Variants in IARS1 observed in about 807,000 individuals in gnomAD.
IARS1 encodes the protein isoleucyl-tRNA synthetase 1.
IARS1 carries 124 observed loss-of-function variants against 168.2 expected under a neutral mutation model. The ratio of observed to expected loss-of-function variants is 0.74; its 90% CI spans 0.64 to 0.86. The LOEUF is 0.86. Among genes scored for constraint, IARS1 ranks in the 40% least tolerant of loss-of-function variants. IARS1 has a pLI of 0.00. For synonymous variants in IARS1, 532 were observed against 529.4 expected, an observed-to-expected ratio of 1.00 and a Z score of -0.07; for missense variants, 1,452 against 1,515.8, an observed-to-expected ratio of 0.96 and a Z score of 0.70.
Position 92,289,284 on chromosome 9 carries a change from C to T in IARS1, c.119+17G>A. The T allele has an allele frequency of 9.8e-7, 1 of 1,023,210 alleles. No homozygotes were observed. The highest frequency in any genetic ancestry group is 2.4e-5 in the East Asian group (1 of 41,492). 63.4% of individuals were successfully genotyped at this position (1,023,210 alleles called of 1,614,324 possible). A position where few individuals can be genotyped will look rare whatever the true frequency, so the allele number is the denominator to read the frequency against. ...ATGACTATTCTTAAGGGAACTTAAC[C>T]TAAAAAATTCACATACTTTGGTTTA... On this transcript the variant is annotated intron_variant, in intron 2 of 33. Coordinates refer to ENST00000443024, the MANE Select transcript of IARS1 (RefSeq NM_002161.6).
chr9:92,220,434 A>G (rs980159946), intron 33 of IARS1, among the ~76,000 whole-genome samples: 2 of 151,846 alleles, frequency 1.3e-5, no homozygotes, highest in Non-Finnish European at 2.9e-5. Context: ...AAAAATAATA[A>G]TCATAAAAAA....
intron 16 of IARS1, among the ~76,000 whole-genome samples, chr9:92,263,785 A>T (rs1256224673): frequency 6.6e-6 from 1 of 152,214 alleles, no homozygotes; most frequent in Non-Finnish European, 1.5e-5. Flanking sequence ...CGGGATCCAC[A>T]TGAGGACTGT....
At chr9:92,216,830 T>G (rs1248677616) in intron 33 of IARS1, among the ~76,000 whole-genome samples, 20 of 137,366 alleles carry the variant, frequency 1.5e-4, no homozygotes, top group African/African-American at 5.3e-4. Context: ...AATGGGAGAC[T>G]TTAACACCCC....
chr9:92,292,720 T>C (rs560584601), intron 1 of IARS1: 2 of 153,600 alleles, frequency 1.3e-5, no homozygotes, highest in South Asian at 2.1e-4. Flanking sequence ...TCAGGTCACC[T>C]TAACCTCAAC....
chr9:92,287,747 T>C (rs1473850321), intron 4 of IARS1, 44 bp downstream of exon 4: 1 of 1,570,300 alleles, frequency 6.4e-7, no homozygotes, highest in Non-Finnish European at 8.6e-7. Flanking sequence ...GCCCATTTAG[T>C]AACTACATTT....
intron 30 of IARS1, among the ~76,000 whole-genome samples, chr9:92,238,914 CAGAATGATGTACTATATA>C (rs1235272592): frequency 6.6e-6 from 1 of 152,128 alleles, no homozygotes; most frequent in East Asian, 1.9e-4. Flanking sequence ...TGACTTCAAG[CAGAATGATGTACTATATA>C]ATAAACCAAC....
chr9:92,262,702 A>G (rs1277807975), intron 17 of IARS1, among the ~76,000 whole-genome samples: 1 of 152,220 alleles, frequency 6.6e-6, no homozygotes, highest in African/African-American at 2.4e-5. Flanking sequence ...TATAAGCAAA[A>G]GTATTTCATA....
intron 33 of IARS1, among the ~76,000 whole-genome samples, chr9:92,219,332 C>T (rs935746461): frequency 7.9e-5 from 12 of 151,786 alleles, no homozygotes; most frequent in African/African-American, 2.9e-4. Flanking sequence ...AAAACCTAGG[C>T]ATTACCATTC....
At chr9:92,243,182 A>C (rs758633608) in intron 28 of IARS1, 34 bp downstream of exon 28, 1 of 1,548,376 alleles carries the variant, frequency 6.5e-7, no homozygotes, top group Non-Finnish European at 8.9e-7. Flanking sequence ...ACAAAAAGCC[A>C]AAACAGTAGC....
intron 26 of IARS1, among the ~76,000 whole-genome samples, chr9:92,247,089 G>C (rs1349044411): frequency 6.6e-6 from 1 of 152,132 alleles, no homozygotes; most frequent in East Asian, 1.9e-4. Context: ...AGCTACTTGG[G>C]AGGCTGAGGC....
In IARS1 at chr9:92,253,426, C is replaced by T. The variant is rs763934286; in HGVS notation, c.2165G>A (p.Arg722His). 6 of 1,613,430 alleles carry T rather than the reference C, an allele frequency of 3.7e-6. No homozygotes were observed. The highest frequency in any genetic ancestry group is 1.1e-5 in the South Asian group (1 of 91,072). ...CAGAATATCTACAAACTTGACCAGG[C>T]GAGGCACCACAGTATAAAGCCTATA... is the stretch of plus-strand genomic sequence containing the variant. ...AAYRLYTVVP[R>H]LVKFVDILTN... The change falls in exon 21 of 34, where the codon CGC (arginine) becomes CAC (histidine). Residue 722 changes from arginine (R) to histidine (H), a missense_variant. By Grantham distance (29) the Arg-to-His change is conservative. Transcript: ENST00000443024.
At position 92,260,226 on chromosome 9, in the gene IARS1, T is replaced by G. The variant is rs776526372; in HGVS notation, c.1796A>C (p.Gln599Pro). 6.2e-7 allele frequency: 1 copy of G among 1,613,468 alleles called. No homozygotes were observed. The highest frequency in any genetic ancestry group is 8.5e-7 in the Non-Finnish European group (1 of 1,179,342). ...VNGLVLASDG[Q>P]KMSKRKKNYP... ...ATTCTTTTTCCGTTTGCTCATTTTTTGGCCATCACTTGTAAAACAAAAGGG... is the reference window on the plus strand; with the variant it reads ...ATTCTTTTTCCGTTTGCTCATTTTTGGGCCATCACTTGTAAAACAAAAGGG... Residue 599 changes from glutamine (Q) to proline (P), a missense_variant, in exon 18 of 34, where the codon CAA becomes CCA. By Grantham distance (76) the Gln-to-Pro change is moderately conservative. Transcript: ENST00000443024.
intron 14 of IARS1, 110 bp downstream of exon 14, chr9:92,268,064 A>T (rs1428206780): frequency 4.3e-6 from 5 of 1,159,112 alleles, no homozygotes; most frequent in Non-Finnish European, 6.0e-6. Flanking sequence ...AAAAGATGAA[A>T]TAAGAAAGGG....
At chr9:92,220,279 G>C (rs12003107) in intron 33 of IARS1, among the ~76,000 whole-genome samples, 2 of 53,950 alleles carry the variant, frequency 3.7e-5, no homozygotes, top group African/African-American at 4.1e-4. Flanking sequence ...GGGGTGGGGG[G>C]AGGGGGAGGG....
At chr9:92,215,253 A>ACAC (rs1372372265) in intron 33 of IARS1, among the ~76,000 whole-genome samples, 3 of 152,240 alleles carry the variant, frequency 2.0e-5, no homozygotes, top group African/African-American at 4.8e-5. Flanking sequence ...AAGGACATCC[A>ACAC]CACCAAAAAC....
rs1832556540 is a variant in IARS1 at position 92,268,238 on chromosome 9, G to C, written c.1367C>G (p.Thr456Arg). The C allele has an allele frequency of 6.2e-7, 1 of 1,611,748 alleles. No individual in the cohort carries two copies. Among genetic ancestry groups the C allele is most frequent in the Non-Finnish European group, 8.5e-7 (1 of 1,179,454 alleles). Residue 456 changes from threonine (T) to arginine (R), a missense_variant, in exon 14 of 34, where the codon ACA (threonine) becomes AGA (arginine). By Grantham distance (71) the Thr-to-Arg change is moderately conservative. Coordinates refer to ENST00000443024, the MANE Select transcript of IARS1 (RefSeq NM_002161.6). The part of the protein sequence containing the change: ...GNWLKDARDW[T>R]ISRNRYWGTP... ...GCCCCAGTATCTGTTTCTGGAAATT[G>C]TCCAGTCACGTGCATCTTTCAGCCA...
intron 26 of IARS1, 123 bp downstream of exon 26, chr9:92,247,254 G>C: frequency 2.6e-6 from 2 of 767,348 alleles, no homozygotes; most frequent in Non-Finnish European, 4.3e-6. Flanking sequence ...GAAAGGACAG[G>C]ACACGACGGG....
At chr9:92,258,411 T>C (rs1271596407) in intron 19 of IARS1, among the ~76,000 whole-genome samples, 1 of 152,102 alleles carries the variant, frequency 6.6e-6, no homozygotes, top group Non-Finnish European at 1.5e-5. Flanking sequence ...CTGACCAACA[T>C]GATGAAACCA....
rs148530218 is a variant in IARS1, at chr9:92,280,826, G to C, written c.665C>G (p.Ala222Gly). The C allele has an allele frequency of 5.1e-5, 82 of 1,610,114 alleles. No individual in the cohort carries two copies. In the African/African-American group the frequency reaches 9.1e-4, roughly 18 times the overall value. ...TAGAGTCCAGGGAGTGGTTGTCCAA[G>C]CAACTAAAGATACAGTTTCATCTTC... ...LEEDETVSLV[A>G]WTTTPWTLPS... The change falls in exon 7 of 34, where the codon GCT (alanine) becomes GGT (glycine). Residue 222 changes from alanine to glycine, a missense_variant. Ala to Gly is a moderately conservative substitution (Grantham distance 60). Transcript: ENST00000443024.
Sources: gnomAD v4.1 joint callset for allele counts (sites outside exome capture counted in the v4.1 genomes callset) on GRCh38, gnomAD v4.1.1 for gene constraint, MANE v1.5 for transcripts, NCBI Gene and HGNC (gene_info 2026-07-23, HGNC 2026-07-21) for gene names.